Variants in CNIH3 observed in about 807,000 individuals in gnomAD.
CNIH3 encodes the protein cornichon family AMPA receptor auxiliary protein 3, also known as protein cornichon homolog 3.
Under a neutral mutation model 24.1 loss-of-function variants are expected in CNIH3, and 14 were observed. That is an observed-to-expected ratio of 0.58 (90% confidence interval 0.38 to 0.91). The LOEUF (loss-of-function observed/expected upper bound fraction) is 0.91. CNIH3 is among the 40% of genes least tolerant of loss of function. The pLI is 0.00. For synonymous variants in CNIH3, 68 were observed against 73.8 expected (o/e 0.92, Z 0.40); for missense variants, 178 against 196.8 (o/e 0.90, Z 0.57).
At chr1:224,491,385 T>C (rs1377664727) in intron 1 of CNIH3, among the ~76,000 whole-genome samples, 3 of 152,160 alleles carry the variant, frequency 2.0e-5, no homozygotes, top group East Asian at 3.8e-4. Flanking sequence ...TTGCAAGAAC[T>C]GATTGTTAAA....
At chr1:224,665,227 G>T (rs895321614) in intron 1 of CNIH3, among the ~76,000 whole-genome samples, 4 of 152,086 alleles carry the variant, frequency 2.6e-5, no homozygotes, top group African/African-American at 9.7e-5. Flanking sequence ...CTGCCCTCTT[G>T]TACGCTGGAT....
downstream of CNIH3, chr1:224,537,204 G>A (rs1679321628): frequency 6.6e-6 from 1 of 152,198 alleles, no homozygotes; most frequent in African/African-American, 2.4e-5. Context: ...AAACGGTTCT[G>A]TTGAATTTCA....
chr1:224,585,870 G>A lies in CNIH3; in HGVS notation n.621-2491G>A, dbSNP rs375497965. 8.1e-4 allele frequency among the ~76,000 whole-genome samples: 123 copies of A among 152,164 alleles called. 1 individual carries two copies. The highest frequency in any genetic ancestry group is 2.9e-3 in the African/African-American group (119 of 41,512). ...GGAGGATGTAGATAGCACAGGGGTCGTGGTTTAGCTTTAAACTCCAAACTA... is the reference window on the plus strand; with the variant it reads ...GGAGGATGTAGATAGCACAGGGGTCATGGTTTAGCTTTAAACTCCAAACTA... On this transcript the variant is annotated intron_variant and non_coding_transcript_variant, in intron 5 of 5. Coordinates refer to the CNIH3 transcript ENST00000471578.
chr1:224,737,852 T>A (rs1368608510), intron 5 of CNIH3, among the ~76,000 whole-genome samples: 1 of 152,214 alleles, frequency 6.6e-6, no homozygotes, highest in Non-Finnish European at 1.5e-5. Context: ...GGTTGCCTTG[T>A]GGACCAGGTG....
At chr1:224,686,132 A>G (rs61827154) in intron 3 of CNIH3, among the ~76,000 whole-genome samples, 23 of 147,902 alleles carry the variant, frequency 1.6e-4, no homozygotes, top group Admixed American at 1.6e-3. Flanking sequence ...CATTAGGTAT[A>G]TCTCCTAATG....
intron 1 of CNIH3, among the ~76,000 whole-genome samples, chr1:224,436,128 G>C (rs1674654443): frequency 6.6e-6 from 1 of 152,160 alleles, no homozygotes; most frequent in South Asian, 2.1e-4. Flanking sequence ...CAGGGATTTG[G>C]TTTTGTAGTT....
At chr1:224,612,199 C>T (rs1256355343), upstream of CNIH3, among the ~76,000 whole-genome samples, 2 of 152,162 alleles carry the variant, frequency 1.3e-5, no homozygotes, top group African/African-American at 4.8e-5. The surrounding 1 kb of genome is among the most constrained non-coding windows in gnomAD (Gnocchi z 4.7). Flanking sequence ...GAATGAAATA[C>T]AGTAACATCT....
Position 224,683,053 on chromosome 1 carries a change from G to A in CNIH3, c.151-1743G>A, listed in dbSNP as rs554186198. On this transcript the variant is annotated intron_variant, in intron 2 of 5. Coordinates refer to ENST00000272133, the MANE Select transcript of CNIH3 (RefSeq NM_152495.2). ...AAATCAGGACTAGTATATGCTCTCC[G>A]GGAGCTTCTGTGAAAGGCCAGTGCA... Among the ~76,000 whole-genome samples, 9 of 152,312 alleles carry A rather than the reference G, an allele frequency of 5.9e-5. No individual in the cohort carries two copies. In the South Asian group the frequency reaches 1.7e-3, roughly 28 times the overall value.
chr1:224,455,230 A>G (rs1675597830), intron 1 of CNIH3, among the ~76,000 whole-genome samples: 2 of 152,208 alleles, frequency 1.3e-5, no homozygotes, highest in South Asian at 4.1e-4. Flanking sequence ...TATGGTTTCT[A>G]CTGAATGTGT....
chr1:224,587,935 T>C (rs1274886844), intron 5 of CNIH3, among the ~76,000 whole-genome samples: 1 of 145,766 alleles, frequency 6.9e-6, no homozygotes, highest in Non-Finnish European at 1.5e-5. Context: ...AGTGAGACCC[T>C]GTTTCCATTA....
In CNIH3 at chr1:224,560,379, A is replaced by G. The variant is rs750916918; in HGVS notation, n.451-5820A>G. On this transcript the variant is annotated intron_variant and non_coding_transcript_variant, in intron 3 of 5. Coordinates refer to the CNIH3 transcript ENST00000471578. ...ACTTCTATTGCTCCTCATTCTTTTCAGCACTTTGTGTTATCTTTTAATCAG... is the reference window on the plus strand; with the variant it reads ...ACTTCTATTGCTCCTCATTCTTTTCGGCACTTTGTGTTATCTTTTAATCAG... 6.3e-4 allele frequency among the ~76,000 whole-genome samples: 96 copies of G among 152,096 alleles called. 4 individuals carry two copies. The highest frequency in any genetic ancestry group is 3.1e-4 in the Non-Finnish European group (21 of 68,016).
chr1:224,496,593 A>G (rs900470491), intron 1 of CNIH3, among the ~76,000 whole-genome samples: 1 of 152,186 alleles, frequency 6.6e-6, no homozygotes, highest in African/African-American at 2.4e-5. Flanking sequence ...ATGCCCAGGA[A>G]GGTGCTGCTG....
intron 3 of CNIH3, among the ~76,000 whole-genome samples, chr1:224,692,017 A>G (rs1467778412): frequency 6.6e-6 from 1 of 152,212 alleles, no homozygotes; most frequent in Non-Finnish European, 1.5e-5. Flanking sequence ...ACAACTGGAA[A>G]GGGCAGGGCG....
intron 1 of CNIH3, among the ~76,000 whole-genome samples, chr1:224,475,617 T>C (rs906344432): frequency 6.6e-6 from 1 of 152,210 alleles, no homozygotes. Context: ...AAGAAAAGCC[T>C]GGAACCTGAT....
chr1:224,452,210 C>T (rs905778167), intron 1 of CNIH3, among the ~76,000 whole-genome samples: 5 of 148,634 alleles, frequency 3.4e-5, no homozygotes, highest in African/African-American at 5.0e-5. Context: ...TGTGCGGTGG[C>T]GCGATCTCGG....
intron 3 of CNIH3, among the ~76,000 whole-genome samples, chr1:224,606,905 G>A (rs76816076): frequency 0.025 from 3,849 of 152,278 alleles, 72 homozygotes; most frequent in Non-Finnish European, 0.04. Context: ...TCCCAACCTT[G>A]TGGGGAGCCC....
At chr1:224,435,433 A>G (rs888629837) in intron 1 of CNIH3, among the ~76,000 whole-genome samples, 3 of 152,204 alleles carry the variant, frequency 2.0e-5, no homozygotes, top group Non-Finnish European at 4.4e-5. Flanking sequence ...GAGTTAGTCT[A>G]GAGGAGCATA....
chr1:224,580,759 G>A (rs894578006), intron 4 of CNIH3, among the ~76,000 whole-genome samples: 20 of 151,814 alleles, frequency 1.3e-4, no homozygotes, highest in Admixed American at 9.8e-4. Context: ...CCAGGGAGTC[G>A]GAGGTTGCAG....
chr1:224,721,208 T>A (rs978958994), intron 3 of CNIH3, among the ~76,000 whole-genome samples: 1 of 152,190 alleles, frequency 6.6e-6, no homozygotes, highest in African/African-American at 2.4e-5. Flanking sequence ...TAAGTGCTTC[T>A]AATAAATATT....
Sources: allele counts gnomAD v4.1 joint callset (sites outside exome capture counted in the v4.1 genomes callset), GRCh38; gene constraint gnomAD v4.1.1; non-coding constraint Gnocchi (gnomAD v3.1); transcripts MANE v1.5; gene names NCBI Gene and HGNC (gene_info 2026-07-23, HGNC 2026-07-21).